PRELID2: variants seen among roughly 807,000 people sequenced by gnomAD.
The protein encoded by PRELID2 is PRELI domain containing 2.
Under a neutral mutation model 28.4 loss-of-function variants are expected in PRELID2, and 25 were observed. That is an observed-to-expected ratio of 0.88 (90% CI 0.64 to 1.23). The LOEUF (loss-of-function observed/expected upper bound fraction) is 1.23, where lower values mean the gene tolerates loss of function less well. Ranked by LOEUF, PRELID2 falls within the 50% of genes most tolerant of loss-of-function variation. PRELID2 has a pLI of 0.00. For synonymous variants in PRELID2, 76 were observed against 71.6 expected (o/e 1.06, Z -0.31); for missense variants, 201 against 214.4 (o/e 0.94, Z 0.39).
intron 1 of PRELID2, among the ~76,000 whole-genome samples, chr5:145,665,103 AT>A (rs1050772369): frequency 2.6e-5 from 4 of 151,908 alleles, no homozygotes; most frequent in African/African-American, 9.7e-5. Context: ...CACCCAAAAT[AT>A]TTTTTTTCTG....
At chr5:145,702,518 T>C (rs149345028) in intron 1 of PRELID2, among the ~76,000 whole-genome samples, 4 of 152,294 alleles carry the variant, frequency 2.6e-5, no homozygotes, top group African/African-American at 9.6e-5. Flanking sequence ...GATGCTTTCT[T>C]TGACATAAAT....
At chr5:145,588,503 T>G (rs944074058) in intron 1 of PRELID2, among the ~76,000 whole-genome samples, 12 of 152,228 alleles carry the variant, frequency 7.9e-5, no homozygotes, top group African/African-American at 2.9e-4. Flanking sequence ...CAGAGATTAT[T>G]GTTCTTATAT....
At chr5:145,392,656 C>A in the PRELID2 span, among the ~76,000 whole-genome samples, 1 of 150,272 alleles carries the variant, frequency 6.7e-6, no homozygotes, top group African/African-American at 2.5e-5. Flanking sequence ...CAAAAATAGA[C>A]ATCACATAAT....
the PRELID2 span, among the ~76,000 whole-genome samples, chr5:145,376,105 G>A: frequency 6.6e-6 from 1 of 152,164 alleles, no homozygotes; most frequent in African/African-American, 2.4e-5. Context: ...TTAACATGCA[G>A]TGGTGTTAAA....
chr5:145,612,135 C>T lies in PRELID2; in HGVS notation n.71-138820G>A, dbSNP rs566290564. ...CTTACTTCATACAATATATAAAAATCGATTCCAGGTGAATTATAAACCTAA... is the reference window on the plus strand; with the variant it reads ...CTTACTTCATACAATATATAAAAATTGATTCCAGGTGAATTATAAACCTAA... On this transcript the variant is annotated intron_variant and non_coding_transcript_variant, in intron 1 of 2. Coordinates refer to the PRELID2 transcript ENST00000510259. Among the ~76,000 whole-genome samples the T allele has an allele frequency of 2.6e-3, 402 of 152,126 alleles. 3 individuals are homozygous for T. The highest frequency in any genetic ancestry group is 9.0e-3 in the African/African-American group (374 of 41,506).
At chr5:145,269,856 T>A in the PRELID2 span, among the ~76,000 whole-genome samples, 2 of 147,474 alleles carry the variant, frequency 1.4e-5, no homozygotes, top group Non-Finnish European at 3.0e-5. Flanking sequence ...AAATTCAATT[T>A]TATATATATA....
chr5:145,643,916 A>C (rs1383892603), intron 1 of PRELID2, among the ~76,000 whole-genome samples: 1 of 152,170 alleles, frequency 6.6e-6, no homozygotes, highest in African/African-American at 2.4e-5. Context: ...TTTGTTTGCC[A>C]GTATTTTATT....
the PRELID2 span, among the ~76,000 whole-genome samples, chr5:145,465,636 G>A: frequency 7.2e-5 from 11 of 152,032 alleles, no homozygotes; most frequent in African/African-American, 2.4e-4. Flanking sequence ...CGTCCTAATC[G>A]TGACTACCTC....
chr5:145,229,507 A>G, the PRELID2 span: 865,543 of 1,233,686 alleles, frequency 0.7, 307,724 homozygotes, highest in Admixed American at 0.82. Context: ...TCAAAAAAGG[A>G]GTCCCCGTGA....
the PRELID2 span, among the ~76,000 whole-genome samples, chr5:145,392,708 AAG>A: frequency 3.6e-4 from 55 of 152,100 alleles, no homozygotes; most frequent in African/African-American, 1.2e-3. Flanking sequence ...GAGAGAAAGA[AAG>A]AGAGAGGGAA....
At chr5:145,740,554 T>TAA (rs1554087761) in intron 1 of PRELID2, among the ~76,000 whole-genome samples, 1 of 123,762 alleles carries the variant, frequency 8.1e-6, no homozygotes, top group Non-Finnish European at 1.7e-5. Flanking sequence ...AACATGAGAA[T>TAA]ATTCAAGTAC....
intron 1 of PRELID2, among the ~76,000 whole-genome samples, chr5:145,679,355 G>A (rs1231749720): frequency 2.6e-5 from 4 of 152,196 alleles, no homozygotes; most frequent in African/African-American, 9.7e-5. Context: ...AAACTCAAAA[G>A]TTGAGATGTC....
chr5:145,638,572 T>G (rs1054497291), intron 1 of PRELID2, among the ~76,000 whole-genome samples: 17 of 152,224 alleles, frequency 1.1e-4, no homozygotes, highest in African/African-American at 4.1e-4. Context: ...ACTATATACG[T>G]AGAGCCTTAA....
intron 1 of PRELID2, among the ~76,000 whole-genome samples, chr5:145,605,923 T>G (rs1316830518): frequency 6.6e-6 from 1 of 152,122 alleles, no homozygotes; most frequent in African/African-American, 2.4e-5. Context: ...TCCATTTGTT[T>G]GTGTCATCTC....
intron 1 of PRELID2, among the ~76,000 whole-genome samples, chr5:145,613,116 C>G (rs923366106): frequency 1.3e-5 from 2 of 152,092 alleles, no homozygotes; most frequent in Non-Finnish European, 2.9e-5. Context: ...CAAGTGTCCC[C>G]TGATCACTGC....
At chr5:145,620,836 C>A (rs180969068) in intron 1 of PRELID2, among the ~76,000 whole-genome samples, 8,961 of 151,658 alleles carry the variant, frequency 0.059, 447 homozygotes, top group Admixed American at 0.17. Flanking sequence ...CACACACACA[C>A]ACACACAAAA....
chr5:145,309,372 G>A, the PRELID2 span, among the ~76,000 whole-genome samples: 1 of 152,142 alleles, frequency 6.6e-6, no homozygotes, highest in Non-Finnish European at 1.5e-5. Flanking sequence ...GTTTGTTTGA[G>A]GGGCTGGATT....
intron 1 of PRELID2, among the ~76,000 whole-genome samples, chr5:145,516,997 T>C (rs1371290543): frequency 6.6e-6 from 1 of 152,124 alleles, no homozygotes; most frequent in Non-Finnish European, 1.5e-5. Context: ...CCAAGATGGA[T>C]TAAAGACTTA....
chr5:145,361,795 C>T, the PRELID2 span, among the ~76,000 whole-genome samples: 1 of 152,140 alleles, frequency 6.6e-6, no homozygotes, highest in Admixed American at 6.6e-5. Context: ...GGCTGGCCTT[C>T]TTTTCATTTC....
Sources: allele counts gnomAD v4.1 joint callset (sites outside exome capture counted in the v4.1 genomes callset), GRCh38; gene constraint gnomAD v4.1.1; transcripts MANE v1.5; gene names NCBI Gene and HGNC (gene_info 2026-07-23, HGNC 2026-07-21).